Variants in GPHN observed in about 807,000 individuals in gnomAD.
GPHN encodes gephyrin.
In GPHN, 17 loss-of-function variants were observed where a neutral mutation model predicts 95.5. The observed-to-expected ratio is 0.18, with a 90% CI of 0.12 to 0.27. GPHN has a LOEUF of 0.27. Ranked by LOEUF, GPHN falls within the 10% of genes least tolerant of loss-of-function variation. The pLI is 1.00. For missense variants in GPHN, 660 were observed against 978.1 expected, an observed-to-expected ratio of 0.67 and a Z score of 4.34; for synonymous variants, 320 against 322.5, an observed-to-expected ratio of 0.99 and a Z score of 0.08.
At chr14:67,585,283 G>A in the GPHN span, 4 of 336,964 alleles carry the variant, frequency 1.2e-5, no homozygotes, top group South Asian at 1.5e-4. Context: ...TTTCCATCCA[G>A]TGTGCTGTGG....
chr14:67,085,117 A>C (rs1595072387), intron 11 of GPHN, among the ~76,000 whole-genome samples: 1 of 152,238 alleles, frequency 6.6e-6, no homozygotes, highest in African/African-American at 2.4e-5. Context: ...GAGCCTCCTC[A>C]GAAACTTGAG....
chr14:66,559,252 C>T (rs1191152816), intron 1 of GPHN, among the ~76,000 whole-genome samples: 1 of 151,440 alleles, frequency 6.6e-6, no homozygotes, highest in Non-Finnish European at 1.5e-5. Flanking sequence ...GGGTATATAC[C>T]CAGTAATGGG....
the GPHN span, among the ~76,000 whole-genome samples, chr14:67,391,854 G>C: frequency 4.6e-5 from 7 of 152,172 alleles, no homozygotes; most frequent in Non-Finnish European, 1.0e-4. Flanking sequence ...TTACAGTGGA[G>C]AATCTGATCT....
chr14:67,043,688 T>C (rs2074840276), intron 10 of GPHN, among the ~76,000 whole-genome samples: 1 of 152,174 alleles, frequency 6.6e-6, no homozygotes. Context: ...CTTGAAATTT[T>C]CCTTTGTTGT....
At chr14:66,815,649 GCTC>G (rs2060932779) in intron 3 of GPHN, among the ~76,000 whole-genome samples, 2 of 152,302 alleles carry the variant, frequency 1.3e-5, no homozygotes, top group South Asian at 2.1e-4. Context: ...CCTTACAAGA[GCTC>G]CTGAAGGAAG....
At chr14:66,952,787 C>T (rs371596347) in intron 8 of GPHN, among the ~76,000 whole-genome samples, 54 of 152,174 alleles carry the variant, frequency 3.5e-4, no homozygotes, top group South Asian at 2.3e-3. Context: ...CTCAGCCTCC[C>T]GGGTTCAAGT....
chr14:67,182,716 G>A (rs753357084), downstream of GPHN, among the ~76,000 whole-genome samples: 11 of 151,814 alleles, frequency 7.2e-5, no homozygotes, highest in Admixed American at 4.6e-4. Flanking sequence ...AAATAACCAC[G>A]ATATTTAATA....
chr14:66,581,869 AC>A (rs2061191960), intron 1 of GPHN, among the ~76,000 whole-genome samples: 1 of 152,078 alleles, frequency 6.6e-6, no homozygotes, highest in Non-Finnish European at 1.5e-5. Context: ...TCTGCACCCA[AC>A]ATCAGAGTAC....
the GPHN span, among the ~76,000 whole-genome samples, chr14:67,224,259 C>CTTTTTTT: frequency 7.4e-6 from 1 of 134,800 alleles, no homozygotes; most frequent in Non-Finnish European, 1.6e-5. Flanking sequence ...TCTCTCTTTT[C>CTTTTTTT]TTTTTTTTTT....
chr14:67,294,131 A>G, the GPHN span, among the ~76,000 whole-genome samples: 1 of 152,218 alleles, frequency 6.6e-6, no homozygotes, highest in Non-Finnish European at 1.5e-5. Flanking sequence ...ACATATTCAC[A>G]TATGTGAATA....
At position 66,717,490 on chromosome 14, in the gene GPHN, A is replaced by C. The variant is rs1158685460; in HGVS notation, c.143+36305A>C. On this transcript the variant is annotated intron_variant, in intron 2 of 22. Coordinates refer to ENST00000478722, the MANE Select transcript of GPHN (RefSeq NM_020806.5). ...GCTTAATAACTAATCAATAATCTTC[A>C]GAATTCTTTTTCAGGTAAATCAGGG... 2.0e-5 allele frequency among the ~76,000 whole-genome samples: 3 copies of C among 151,802 alleles called. No individual in the cohort carries two copies. The East Asian group carries it at 5.8e-4, about 29-fold the overall frequency.
At chr14:67,302,599 TGATA>T in the GPHN span, 1 of 1,423,088 alleles carries the variant, frequency 7.0e-7, no homozygotes, top group Non-Finnish European at 9.2e-7. Context: ...GAAGAATAAT[TGATA>T]GCTTTTAGAA....
At chr14:67,537,810 C>T in the GPHN span, among the ~76,000 whole-genome samples, 1 of 152,328 alleles carries the variant, frequency 6.6e-6, no homozygotes, top group South Asian at 2.1e-4. Flanking sequence ...TCCTGTGCCA[C>T]CTTCCCACCC....
At chr14:67,580,166 T>C in the GPHN span, 1 of 312,704 alleles carries the variant, frequency 3.2e-6, no homozygotes, top group Non-Finnish European at 6.0e-6. Flanking sequence ...GTAGGGACAG[T>C]GAGGCCCCAC....
At chr14:67,424,960 C>G in the GPHN span, among the ~76,000 whole-genome samples, 481 of 152,346 alleles carry the variant, frequency 3.2e-3, 1 homozygote, top group African/African-American at 0.011. Context: ...TTCTCATTGT[C>G]TTAATTCTTC....
At chr14:66,585,483 G>A (rs1480916394) in intron 1 of GPHN, among the ~76,000 whole-genome samples, 1 of 151,856 alleles carries the variant, frequency 6.6e-6, no homozygotes, top group Non-Finnish European at 1.5e-5. Flanking sequence ...GTGATGTTAG[G>A]GTGTCAATTT....
intron 1 of GPHN, among the ~76,000 whole-genome samples, chr14:66,679,487 G>T (rs1387934230): frequency 6.6e-6 from 1 of 152,000 alleles, no homozygotes; most frequent in Non-Finnish European, 1.5e-5. Context: ...TATTGTATCA[G>T]TTTTGGGCTA....
the GPHN span, among the ~76,000 whole-genome samples, chr14:67,720,202 C>T: frequency 1.1e-3 from 163 of 152,226 alleles, no homozygotes; most frequent in African/African-American, 3.8e-3. Flanking sequence ...CTTGTATTTC[C>T]TTTTTTGTAA....
At chr14:66,801,635 C>G (rs2060354390) in intron 3 of GPHN, among the ~76,000 whole-genome samples, 1 of 133,832 alleles carries the variant, frequency 7.5e-6, no homozygotes, top group South Asian at 2.9e-4. Flanking sequence ...GCTCTCTCCC[C>G]CCTCTCTCTC....
Sources: allele counts gnomAD v4.1 joint callset (sites outside exome capture counted in the v4.1 genomes callset), GRCh38; gene constraint gnomAD v4.1.1; transcripts MANE v1.5; gene names NCBI Gene and HGNC (gene_info 2026-07-23, HGNC 2026-07-21).